The following QTGAL variants were observed in gnomAD, a reference collection of about 807,000 sequenced individuals.
The protein encoded by QTGAL is BGnT-like protein 1.
At chr17:83,014,533 C>T in the QTGAL span, 1 of 1,613,786 alleles carries the variant, frequency 6.2e-7, no homozygotes, top group Non-Finnish European at 8.5e-7. Flanking sequence ...CAGTAAAGAA[C>T]ACACTTTCCG....
At chr17:82,943,014 T>G in the QTGAL span, 1 of 168,886 alleles carries the variant, frequency 5.9e-6, no homozygotes, top group Non-Finnish European at 1.3e-5. Flanking sequence ...GGTGCTGTCC[T>G]CCCCCCTGTG....
chr17:82,999,553 G>A, the QTGAL span, among the ~76,000 whole-genome samples: 16 of 152,142 alleles, frequency 1.1e-4, no homozygotes, highest in Non-Finnish European at 1.6e-4. Context: ...TAACATCAAC[G>A]GTCGGTTAAC....
the QTGAL span, among the ~76,000 whole-genome samples, chr17:83,029,783 C>T: frequency 6.6e-6 from 1 of 152,190 alleles, no homozygotes; most frequent in Non-Finnish European, 1.5e-5. Context: ...TAGCTCCCTG[C>T]AACCCTGGCG....
the QTGAL span, chr17:82,942,732 TGTGTGTA>T: frequency 1.7e-6 from 1 of 579,054 alleles, no homozygotes; most frequent in Non-Finnish European, 3.1e-6. Flanking sequence ...CTGAGCCTGA[TGTGTGTA>T]GGGGTGATGG....
At chr17:83,035,100 C>T in the QTGAL span, 2 of 1,611,018 alleles carry the variant, frequency 1.2e-6, no homozygotes, top group Non-Finnish European at 1.7e-6. Flanking sequence ...GCGTATCCGA[C>T]TGTGGAAAAA....
the QTGAL span, among the ~76,000 whole-genome samples, chr17:82,982,304 T>C: frequency 6.6e-6 from 1 of 152,280 alleles, no homozygotes; most frequent in Non-Finnish European, 1.5e-5. Flanking sequence ...AATATATTTA[T>C]TTTTAAAACT....
chr17:82,990,479 A>T, the QTGAL span, among the ~76,000 whole-genome samples: 3 of 152,286 alleles, frequency 2.0e-5, no homozygotes, highest in Non-Finnish European at 4.4e-5. Context: ...TCACGTGGCC[A>T]AGCCACTCAT....
chr17:82,962,319 T>C, the QTGAL span, among the ~76,000 whole-genome samples: 1 of 152,164 alleles, frequency 6.6e-6, no homozygotes, highest in African/African-American at 2.4e-5. Flanking sequence ...CACGATGACA[T>C]GGAAAGATTT....
At chr17:83,048,921 T>C in the QTGAL span, 59 of 694,454 alleles carry the variant, frequency 8.5e-5, no homozygotes, top group Non-Finnish European at 1.2e-4. Context: ...CTCCAGGCTC[T>C]TAACATGCTT....
the QTGAL span, among the ~76,000 whole-genome samples, chr17:83,015,297 C>T: frequency 6.6e-6 from 1 of 152,230 alleles, no homozygotes; most frequent in African/African-American, 2.4e-5. This position sits in a 1 kb window ranked among gnomAD's most constrained non-coding sequence, Gnocchi z 4.4. Flanking sequence ...TCCAGCAAAG[C>T]TGAAGATGCA....
the QTGAL span, among the ~76,000 whole-genome samples, chr17:82,999,858 T>C: frequency 6.6e-6 from 1 of 152,210 alleles, no homozygotes; most frequent in Non-Finnish European, 1.5e-5. Flanking sequence ...TGGCACTGTG[T>C]ATGGGTCCTA....
chr17:83,046,653 G>C, the QTGAL span, among the ~76,000 whole-genome samples: 1 of 152,228 alleles, frequency 6.6e-6, no homozygotes, highest in Admixed American at 6.5e-5. Flanking sequence ...ATCCACTGTG[G>C]AAAAGTTTGG....
At chr17:83,041,078 A>AT in the QTGAL span, among the ~76,000 whole-genome samples, 3 of 151,454 alleles carry the variant, frequency 2.0e-5, no homozygotes, top group Non-Finnish European at 2.9e-5. Flanking sequence ...AAAAAAAAAA[A>AT]AAAAATGGCT....
chr17:83,016,477 A>G, the QTGAL span, among the ~76,000 whole-genome samples: 1 of 150,016 alleles, frequency 6.7e-6, no homozygotes, highest in Non-Finnish European at 1.5e-5. Flanking sequence ...AGGAGGGTGG[A>G]GAATGGAGGA....
chr17:83,043,561 T>C, the QTGAL span, among the ~76,000 whole-genome samples: 3 of 151,724 alleles, frequency 2.0e-5, no homozygotes, highest in Non-Finnish European at 4.4e-5. Context: ...AATGCCTACA[T>C]AAAAGAGGTC....
the QTGAL span, among the ~76,000 whole-genome samples, chr17:83,001,454 AAGG>A: frequency 6.6e-6 from 1 of 152,234 alleles, no homozygotes; most frequent in African/African-American, 2.4e-5. Flanking sequence ...GAAAGTGGAC[AAGG>A]AGGAGAAAAA....
At chr17:83,008,923 T>C in the QTGAL span, among the ~76,000 whole-genome samples, 1 of 152,076 alleles carries the variant, frequency 6.6e-6, no homozygotes, top group African/African-American at 2.4e-5. Flanking sequence ...TGAGGATGCC[T>C]GCGAATGGAG....
At chr17:83,013,388 AC>A in the QTGAL span, among the ~76,000 whole-genome samples, 3 of 22,744 alleles carry the variant, frequency 1.3e-4, no homozygotes, top group Admixed American at 5.7e-4. Context: ...CCCCATCCCA[AC>A]CCCCCTCCCC....
At chr17:83,008,944 C>G in the QTGAL span, among the ~76,000 whole-genome samples, 1 of 152,328 alleles carries the variant, frequency 6.6e-6, no homozygotes, top group East Asian at 1.9e-4. Context: ...ACAAGCGGCC[C>G]TTCCTGACCC....
Sources: allele counts gnomAD v4.1 joint callset (sites outside exome capture counted in the v4.1 genomes callset), GRCh38; gene constraint gnomAD v4.1.1; non-coding constraint Gnocchi (gnomAD v3.1); transcripts MANE v1.5; gene names NCBI Gene and HGNC (gene_info 2026-07-23, HGNC 2026-07-21).